LRRFIP1: variants seen among roughly 807,000 people sequenced by gnomAD.
LRRFIP1 encodes leucine-rich repeat flightless-interacting protein 1.
In LRRFIP1, 62 loss-of-function variants were observed where a neutral mutation model predicts 104.4. The observed-to-expected ratio is 0.59, with a 90% CI of 0.48 to 0.73. The LOEUF (loss-of-function observed/expected upper bound fraction) is 0.73. LRRFIP1 is among the 30% of genes least tolerant of loss of function. LRRFIP1 has a pLI of 0.00. For synonymous variants in LRRFIP1, 300 were observed against 299.0 expected (o/e 1.00, Z -0.03); for missense variants, 796 against 824.5 (o/e 0.97, Z 0.42).
intron 1 of LRRFIP1, among the ~76,000 whole-genome samples, chr2:237,694,635 G>A (rs1234269328): frequency 1.3e-5 from 2 of 152,204 alleles, no homozygotes; most frequent in African/African-American, 4.8e-5. Flanking sequence ...GGGACTGGGG[G>A]CCGCACCCAT....
intron 8 of LRRFIP1, among the ~76,000 whole-genome samples, chr2:237,733,060 C>T (rs945391600): frequency 1.3e-5 from 2 of 152,206 alleles, no homozygotes; most frequent in Non-Finnish European, 2.9e-5. Context: ...GCTGAGTGAT[C>T]ACCGCCTGGC....
At chr2:237,706,861 CAA>C (rs2093836826) in intron 1 of LRRFIP1, among the ~76,000 whole-genome samples, 1 of 152,188 alleles carries the variant, frequency 6.6e-6, no homozygotes, top group Non-Finnish European at 1.5e-5. Context: ...CTCTTGACCT[CAA>C]GAGATCCTAC....
rs1393260014 is a variant in LRRFIP1, at chr2:237,717,164, A to G, written c.202-598A>G. Among the ~76,000 whole-genome samples the G allele has an allele frequency of 2.6e-5, 4 of 152,162 alleles. No individual in the cohort carries two copies. Among genetic ancestry groups the G allele is most frequent in the Admixed American group, 6.5e-5 (1 of 15,272 alleles). ...AGACATACATAACTTGTGGGTCTGC[A>G]TATTTTTCTTCTGTACAAAGACCTC... is the stretch of plus-strand genomic sequence containing the variant. On this transcript the variant is annotated intron_variant, in intron 3 of 23. Transcript: ENST00000308482. This position sits in a 1 kb window ranked among gnomAD's most constrained non-coding sequence, Gnocchi z 4.2.
At chr2:237,777,189 A>G (rs1341178119) in intron 23 of LRRFIP1, among the ~76,000 whole-genome samples, 2 of 152,216 alleles carry the variant, frequency 1.3e-5, no homozygotes, top group Non-Finnish European at 1.5e-5. Flanking sequence ...ACATCCACAC[A>G]TAAATACTTT....
rs1372302839 is a variant in LRRFIP1 at position 237,649,421 on chromosome 2, C to T, written c.96+21681C>T. Among the ~76,000 whole-genome samples the T allele has an allele frequency of 2.6e-5, 4 of 151,988 alleles. No homozygotes were observed. The highest frequency in any genetic ancestry group is 4.4e-5 in the Non-Finnish European group (3 of 67,932). ...TGGTGGGTGCCTGTAATCCCAGCTA[C>T]TGGGGAGGCTGAGGCGGGAGAATTG... On this transcript the variant is annotated intron_variant, in intron 1 of 23. Coordinates refer to ENST00000308482, the MANE Select transcript of LRRFIP1 (RefSeq NM_001137550.2). The surrounding 1 kb of genome is among the most constrained non-coding windows in gnomAD (Gnocchi z 4.1).
chr2:237,738,109 C>T (rs1456018449), intron 10 of LRRFIP1, among the ~76,000 whole-genome samples: 1 of 152,006 alleles, frequency 6.6e-6, no homozygotes, highest in Non-Finnish European at 1.5e-5. Flanking sequence ...ATGAGCACCC[C>T]TGAAGATCTA....
At chr2:237,690,691 C>T (rs1474694980) in intron 1 of LRRFIP1, among the ~76,000 whole-genome samples, 3 of 150,388 alleles carry the variant, frequency 2.0e-5, no homozygotes, top group Admixed American at 6.6e-5. Flanking sequence ...GAGCCGAGAT[C>T]GCGCCATTGC....
chr2:237,657,381 G>A (rs62183646), intron 1 of LRRFIP1, among the ~76,000 whole-genome samples: 20,439 of 152,112 alleles, frequency 0.13, 1,875 homozygotes, highest in Non-Finnish European at 0.21. Context: ...AAGAAGAGTC[G>A]AATCTCCACC....
chr2:237,673,970 C>T (rs1158574509), intron 1 of LRRFIP1, among the ~76,000 whole-genome samples: 2 of 152,202 alleles, frequency 1.3e-5, no homozygotes, highest in Non-Finnish European at 2.9e-5. Flanking sequence ...ACAACAACCA[C>T]CCCTATGAAG....
At chr2:237,635,925 C>T (rs2083023758) in intron 1 of LRRFIP1, among the ~76,000 whole-genome samples, 1 of 151,906 alleles carries the variant, frequency 6.6e-6, no homozygotes, top group African/African-American at 2.4e-5. Flanking sequence ...GGTGAAATCC[C>T]TTCTGTACTA....
At chr2:237,764,986 G>T in intron 19 of LRRFIP1, 4 of 985,088 alleles carry the variant, frequency 4.1e-6, no homozygotes, top group Non-Finnish European at 4.8e-6. Context: ...TTTTGGCCGG[G>T]CGTGGTGGCT....
Position 237,697,184 on chromosome 2 carries a change from G to A in LRRFIP1, c.97-11360G>A, listed in dbSNP as rs111703357. Among the ~76,000 whole-genome samples the A allele has an allele frequency of 2.9e-4, 44 of 152,148 alleles. 2 individuals are homozygous for A. The highest frequency in any genetic ancestry group is 7.5e-4 in the African/African-American group (31 of 41,504). ...ACTACAGGTGCCTGCCACCTCACCC[G>A]GCTAATTTTTGTATTTTTAGTAGAG... On this transcript the variant is annotated intron_variant, in intron 1 of 23. Transcript: ENST00000308482.
intron 1 of LRRFIP1, among the ~76,000 whole-genome samples, chr2:237,672,640 G>GA (rs889700543): frequency 6.6e-6 from 1 of 152,182 alleles, no homozygotes; most frequent in African/African-American, 2.4e-5. Context: ...TCTTGTTCCT[G>GA]AAAAAATATT....
chr2:237,682,921 C>T (rs1489070513), intron 1 of LRRFIP1, among the ~76,000 whole-genome samples: 1 of 152,262 alleles, frequency 6.6e-6, no homozygotes, highest in Non-Finnish European at 1.5e-5. Flanking sequence ...TGTGCTTCCA[C>T]AGTGTGGGCA....
intron 19 of LRRFIP1, chr2:237,762,683 G>A (rs1323218235): frequency 6.2e-7 from 1 of 1,614,156 alleles, no homozygotes; most frequent in South Asian, 1.1e-5. Context: ...TACTGAGAAA[G>A]AACAACACAC....
At chr2:237,641,867 G>A (rs566171201) in intron 1 of LRRFIP1, among the ~76,000 whole-genome samples, 41 of 152,310 alleles carry the variant, frequency 2.7e-4, no homozygotes, top group African/African-American at 7.9e-4. Flanking sequence ...GGATACTCCT[G>A]ACACTTGGGA....
At chr2:237,749,533 C>T (rs2304433) in intron 13 of LRRFIP1, among the ~76,000 whole-genome samples, 9,174 of 152,196 alleles carry the variant, frequency 0.06, 406 homozygotes, top group East Asian at 0.14. Context: ...CCCACTGACC[C>T]CCCAGCAGGG....
At chr2:237,665,579 A>G (rs2089057182) in intron 1 of LRRFIP1, among the ~76,000 whole-genome samples, 1 of 152,244 alleles carries the variant, frequency 6.6e-6, no homozygotes, top group Non-Finnish European at 1.5e-5. Context: ...GAAACTGCCA[A>G]AAACAACTAC....
chr2:237,752,110 G>A (rs897322346), intron 14 of LRRFIP1, among the ~76,000 whole-genome samples: 7 of 152,290 alleles, frequency 4.6e-5, no homozygotes, highest in African/African-American at 1.4e-4. Flanking sequence ...CAATTCATGC[G>A]AAAAGGAGCC....
Sources: allele counts gnomAD v4.1 joint callset (sites outside exome capture counted in the v4.1 genomes callset), GRCh38; gene constraint gnomAD v4.1.1; non-coding constraint Gnocchi (gnomAD v3.1); transcripts MANE v1.5; gene names NCBI Gene and HGNC (gene_info 2026-07-23, HGNC 2026-07-21).